The following ARHGAP39 variants were observed in gnomAD, a reference collection of about 807,000 sequenced individuals.
The protein encoded by ARHGAP39 is Rho GTPase activating protein 39.
A neutral mutation model predicts 106.9 loss-of-function variants in ARHGAP39; 44 were observed. The observed-to-expected ratio is 0.41, with a 90% CI of 0.32 to 0.53. The LOEUF (loss-of-function observed/expected upper bound fraction) is 0.53, where lower values mean the gene tolerates loss of function less well. Among genes scored for constraint, ARHGAP39 ranks in the 20% least tolerant of loss-of-function variants. The probability of loss-of-function intolerance (pLI) is 0.21; values close to 1 mark genes in which losing one functional copy is unlikely to be tolerated. For missense variants in ARHGAP39, 1,496 were observed against 1,577.3 expected (o/e 0.95, Z 0.87); for synonymous variants, 768 against 693.2 (o/e 1.11, Z -1.69).
chr8:144,583,705 C>T (rs1819084892), intron 2 of ARHGAP39, among the ~76,000 whole-genome samples: 1 of 152,162 alleles, frequency 6.6e-6, no homozygotes, highest in Non-Finnish European at 1.5e-5. Context: ...GTCATGTTGG[C>T]GGTGCTGTTG....
chr8:144,566,317 T>C (rs1436863872), intron 3 of ARHGAP39, among the ~76,000 whole-genome samples: 1 of 151,398 alleles, frequency 6.6e-6, no homozygotes, highest in East Asian at 2.0e-4. Flanking sequence ...GCAAATCCAG[T>C]GCTTTGGGGG....
intron 1 of ARHGAP39, among the ~76,000 whole-genome samples, chr8:144,611,276 G>A (rs1820481513): frequency 6.6e-6 from 1 of 152,160 alleles, no homozygotes; most frequent in Non-Finnish European, 1.5e-5. Flanking sequence ...GTTTATTGAT[G>A]CTTTTTATGG....
At chr8:144,690,701 A>G (rs1822724881), upstream of ARHGAP39, among the ~76,000 whole-genome samples, 1 of 150,248 alleles carries the variant, frequency 6.7e-6, no homozygotes. Flanking sequence ...CTGGAGTGCA[A>G]TGGTATAATC....
the ARHGAP39 span, among the ~76,000 whole-genome samples, chr8:144,695,407 T>G: frequency 6.6e-6 from 1 of 151,752 alleles, no homozygotes; most frequent in African/African-American, 2.4e-5. Context: ...ATTAATTCAT[T>G]TGATCCTCAC....
chr8:144,607,534 C>T (rs1021034715), intron 1 of ARHGAP39, among the ~76,000 whole-genome samples: 1 of 152,218 alleles, frequency 6.6e-6, no homozygotes, highest in Non-Finnish European at 1.5e-5. Flanking sequence ...TCTTCTTGCT[C>T]CCGGATGCCC....
At chr8:144,537,867 G>T in intron 6 of ARHGAP39, 54 bp from the exon 7 acceptor site, 1 of 1,517,610 alleles carries the variant, frequency 6.6e-7, no homozygotes, top group Non-Finnish European at 9.1e-7. Flanking sequence ...AGGAGCCAGC[G>T]CCCACTCAGC....
chr8:144,556,153 C>CG (rs1817909873), intron 3 of ARHGAP39, among the ~76,000 whole-genome samples: 1 of 151,912 alleles, frequency 6.6e-6, no homozygotes, highest in Non-Finnish European at 1.5e-5. Context: ...GGCGTGGTGG[C>CG]GGGCGCCTGT....
chr8:144,548,423 C>T lies in ARHGAP39; in HGVS notation c.663G>A (p.Glu221=), dbSNP rs768971727. 2 of 1,610,828 alleles carry T rather than the reference C, an allele frequency of 1.2e-6. No homozygotes were observed. The highest frequency in any genetic ancestry group is 8.5e-7 in the Non-Finnish European group (1 of 1,179,612). The change falls in exon 5 of 12, where the codon GAG becomes GAA. Residue 221 remains glutamate, a synonymous_variant. Transcript: ENST00000377307. This position sits in a 1 kb window ranked among gnomAD's most constrained non-coding sequence, Gnocchi z 7.4. ...TGCCCTGGGCGGCGAGGAAGCTGGG[C>T]TCCCGATCAGCGACCTTGATGAGCA... ...ERMLIKVADR[E]PSFLAAQGNG... is the part of the protein sequence containing the mutation.
At chr8:144,559,295 G>A (rs1040384909) in intron 3 of ARHGAP39, among the ~76,000 whole-genome samples, 5 of 149,730 alleles carry the variant, frequency 3.3e-5, no homozygotes, top group Admixed American at 6.7e-5. Context: ...GAACCTGGGA[G>A]GTGGAGCTTG....
At chr8:144,582,583 T>A (rs1819033696) in intron 2 of ARHGAP39, among the ~76,000 whole-genome samples, 1 of 152,220 alleles carries the variant, frequency 6.6e-6, no homozygotes, top group African/African-American at 2.4e-5. Flanking sequence ...TGTGTTTGGA[T>A]GCCACAGGCA....
chr8:144,679,971 C>T lies in ARHGAP39; in HGVS notation c.-82+5715G>A, dbSNP rs552657109. Among the ~76,000 whole-genome samples the T allele has an allele frequency of 1.8e-4, 28 of 152,174 alleles. No homozygotes were observed. The highest frequency in any genetic ancestry group is 3.2e-4 in the Non-Finnish European group (22 of 68,032). On this transcript the variant is annotated intron_variant, in intron 1 of 11. Coordinates refer to ENST00000377307, the MANE Select transcript of ARHGAP39 (RefSeq NM_025251.3). This position sits in a 1 kb window ranked among gnomAD's most constrained non-coding sequence, Gnocchi z 4.7. ...CTCCAGCCTGGACGACAGAGCAAGA[C>T]TCCATCTCAAAAACAAAAAGAAAAT...
chr8:144,682,332 G>A (rs375662450), intron 1 of ARHGAP39, among the ~76,000 whole-genome samples: 2 of 148,936 alleles, frequency 1.3e-5, no homozygotes, highest in Non-Finnish European at 3.0e-5. Flanking sequence ...GGTGGATCAC[G>A]AGGTCAGGAG....
At chr8:144,602,773 T>C (rs111206475) in intron 2 of ARHGAP39, among the ~76,000 whole-genome samples, 12,272 of 121,130 alleles carry the variant, frequency 0.1, 1,745 homozygotes, top group African/African-American at 0.31. Context: ...TACCTGTGTG[T>C]ATGTGCATGG....
At chr8:144,611,079 A>G (rs1213751388) in intron 1 of ARHGAP39, among the ~76,000 whole-genome samples, 2 of 152,214 alleles carry the variant, frequency 1.3e-5, no homozygotes, top group East Asian at 1.9e-4. Context: ...TTTGCCTCCC[A>G]AAGTGCTGGG....
chr8:144,664,436 A>T (rs1821908638), intron 1 of ARHGAP39, among the ~76,000 whole-genome samples: 1 of 152,028 alleles, frequency 6.6e-6, no homozygotes, highest in East Asian at 1.9e-4. Flanking sequence ...TGGCCCCAGG[A>T]CTCTGCCACT....
At chr8:144,603,169 G>A (rs1400113682) in intron 2 of ARHGAP39, among the ~76,000 whole-genome samples, 26 of 144,088 alleles carry the variant, frequency 1.8e-4, no homozygotes, top group Admixed American at 1.0e-3. Flanking sequence ...GTGTGTGTGC[G>A]AGCTCATGTA....
chr8:144,650,492 T>A (rs1234077038), intron 1 of ARHGAP39, among the ~76,000 whole-genome samples: 1 of 152,130 alleles, frequency 6.6e-6, no homozygotes, highest in Non-Finnish European at 1.5e-5. Context: ...TGCACATTGA[T>A]GCAAAAATCC....
chr8:144,602,039 G>T (rs1306570674), intron 2 of ARHGAP39, among the ~76,000 whole-genome samples: 1 of 143,844 alleles, frequency 7.0e-6, no homozygotes, highest in African/African-American at 2.6e-5. Flanking sequence ...TCGTGAACCT[G>T]TGTGTGTGCG....
intron 1 of ARHGAP39, among the ~76,000 whole-genome samples, chr8:144,680,899 T>C (rs1822398101): frequency 6.6e-6 from 1 of 152,174 alleles, no homozygotes; most frequent in Non-Finnish European, 1.5e-5. Flanking sequence ...AACTCAGATA[T>C]ATGATAATAA....
Sources: gnomAD v4.1 joint callset for allele counts (sites outside exome capture counted in the v4.1 genomes callset) on GRCh38, gnomAD v4.1.1 for gene constraint, Gnocchi (gnomAD v3.1) non-coding constraint, MANE v1.5 for transcripts, NCBI Gene and HGNC (gene_info 2026-07-23, HGNC 2026-07-21) for gene names.